STRN: variants seen among roughly 807,000 people sequenced by gnomAD.
STRN encodes the protein protein phosphatase 2 regulatory subunit B'''alpha.
Under a neutral mutation model 96.3 loss-of-function variants are expected in STRN, and 53 were observed. That is an observed-to-expected ratio of 0.55 (90% CI 0.44 to 0.69). The LOEUF (loss-of-function observed/expected upper bound fraction) is 0.69. STRN is among the 30% of genes least tolerant of loss of function. The pLI is 0.00. For missense variants in STRN, 987 were observed against 963.9 expected (o/e 1.02, Z -0.32); for synonymous variants, 428 against 355.9 (o/e 1.20, Z -2.28).
intron 1 of STRN, among the ~76,000 whole-genome samples, chr2:36,956,471 C>T (rs1664890434): frequency 6.6e-6 from 1 of 152,046 alleles, no homozygotes; most frequent in Non-Finnish European, 1.5e-5. Flanking sequence ...GATTGGCCAC[C>T]GAGGCAAGAA....
Position 36,839,203 on chromosome 2 carries a change from C to G in STRN, c.*10253G>C, listed in dbSNP as rs1301283034. Among the ~76,000 whole-genome samples the G allele has an allele frequency of 6.6e-6, 1 of 152,054 alleles. No individual in the cohort carries two copies. Among genetic ancestry groups the G allele is most frequent in the Non-Finnish European group, 1.5e-5 (1 of 68,022 alleles). The stretch of plus-strand genomic sequence containing the variant: ...AATTCATTTCTGTCACTTTCTTAAC[C>G]TGAAAAACATCAAATCATCCCCCTT... On this transcript the variant is annotated 3_prime_UTR_variant, in exon 18 of 18. Coordinates refer to ENST00000263918, the MANE Select transcript of STRN (RefSeq NM_003162.4).
intron 1 of STRN, among the ~76,000 whole-genome samples, chr2:36,956,640 T>C (rs548968565): frequency 3.3e-5 from 5 of 152,348 alleles, no homozygotes; most frequent in South Asian, 2.1e-4. Context: ...ACACCTTTCA[T>C]TGACTGCATA....
At chr2:36,924,015 T>C (rs1670331870) in intron 2 of STRN, among the ~76,000 whole-genome samples, 1 of 152,110 alleles carries the variant, frequency 6.6e-6, no homozygotes, top group Non-Finnish European at 1.5e-5. Context: ...TAAGATAAGC[T>C]TCTGGAGAGA....
chr2:36,883,981 T>A lies in STRN; in HGVS notation c.1137A>T (p.Arg379Ser). 1 of 1,443,054 alleles carries A rather than the reference T, an allele frequency of 6.9e-7. No individual in the cohort carries two copies. The highest frequency in any genetic ancestry group is 9.1e-7 in the Non-Finnish European group (1 of 1,093,592). 89.4% of individuals were successfully genotyped at this position (1,443,054 alleles called of 1,614,324 possible). The change falls in exon 9 of 18, where the codon AGA (arginine) becomes AGT (serine). Residue 379 changes from arginine (R) to serine (S), a missense_variant. Arg to Ser is a moderately radical substitution (Grantham distance 110). Coordinates refer to ENST00000263918, the MANE Select transcript of STRN (RefSeq NM_003162.4). ...GTTCAGGAAGCCTGGAGCTGCTGGG[T>A]CTGGAAGGTGAACCCACAGATGGCT... ...SLQPSVGSPSRPSSSRLPEHE... is the reference protein window; with the variant it reads ...SLQPSVGSPSSPSSSRLPEHE...
intron 12 of STRN, among the ~76,000 whole-genome samples, chr2:36,862,255 T>C (rs1272552059): frequency 6.6e-6 from 1 of 152,242 alleles, no homozygotes; most frequent in Non-Finnish European, 1.5e-5. Context: ...GAATGATTTA[T>C]ATTCCTTTGG....
chr2:36,966,176 G>A, intron 1 of STRN, 54 bp downstream of exon 1: 1 of 1,443,876 alleles, frequency 6.9e-7, no homozygotes. Flanking sequence ...CCGGGGCGGG[G>A]CGGAAGGGAG....
chr2:36,877,908 C>G lies in STRN; in HGVS notation c.1306G>C (p.Asp436His), dbSNP rs1668957865. The G allele has an allele frequency of 6.2e-7, 1 of 1,614,052 alleles. No individual in the cohort carries two copies. Among genetic ancestry groups the G allele is most frequent in the African/African-American group, 1.3e-5 (1 of 74,944 alleles). ...LAGLTVANEA[D>H]SLTYDIANNK... ...CTACTTACATCATAAGTTAGTGAGT[C>G]TGCTTCATTGGCCACCGTAAGGCCT... The change falls in exon 10 of 18, where the codon GAC becomes CAC. Residue 436 changes from aspartate (D) to histidine (H), a missense_variant. By Grantham distance (81) the Asp-to-His change is moderately conservative (BLOSUM62 -1). Coordinates refer to ENST00000263918, the MANE Select transcript of STRN (RefSeq NM_003162.4).
At chr2:36,957,219 T>C (rs552256277) in intron 1 of STRN, among the ~76,000 whole-genome samples, 7 of 152,322 alleles carry the variant, frequency 4.6e-5, no homozygotes, top group East Asian at 3.9e-4. Context: ...CAGAAGTATA[T>C]TGGCCCTCAA....
At chr2:36,948,169 T>TG (rs1664649039) in intron 1 of STRN, among the ~76,000 whole-genome samples, 1 of 139,864 alleles carries the variant, frequency 7.1e-6, no homozygotes. Flanking sequence ...TGATGTGATC[T>TG]GGGCTCACTG....
Position 36,925,114 on chromosome 2 carries a change from T to A in STRN, c.329A>T (p.Lys110Ile). ...CATTTTACTGAATTACCTTTCCTGT[T>A]TAAGAGCATACTCCAACATTTTGAT... ...RRIKMLEYAL[K>I]QERAKYHKLK... Residue 110 changes from lysine (K) to isoleucine (I), a missense_variant, in exon 2 of 18, where the codon AAA becomes ATA. Coordinates refer to ENST00000263918, the MANE Select transcript of STRN (RefSeq NM_003162.4). The A allele has an allele frequency of 6.2e-7, 1 of 1,611,400 alleles. No individual in the cohort carries two copies. The highest frequency in any genetic ancestry group is 8.5e-7 in the Non-Finnish European group (1 of 1,177,758).
chr2:36,876,249 T>C (rs944159409), intron 10 of STRN, among the ~76,000 whole-genome samples: 3 of 149,076 alleles, frequency 2.0e-5, no homozygotes, highest in Admixed American at 1.4e-4. Context: ...CCAGCCTGGG[T>C]GACCGAGTGA....
At chr2:36,960,926 T>G (rs1332457225) in intron 1 of STRN, among the ~76,000 whole-genome samples, 1 of 152,010 alleles carries the variant, frequency 6.6e-6, no homozygotes, top group Non-Finnish European at 1.5e-5. Flanking sequence ...AGACAGGGCC[T>G]CACTCTGGCA....
intron 10 of STRN, among the ~76,000 whole-genome samples, chr2:36,876,983 C>T (rs778429698): frequency 1.3e-5 from 2 of 152,094 alleles, no homozygotes; most frequent in Admixed American, 6.5e-5. Context: ...CTCCTGACCT[C>T]GTGATCCACC....
At chr2:36,885,599 A>G (rs996727714) in intron 8 of STRN, among the ~76,000 whole-genome samples, 3 of 152,144 alleles carry the variant, frequency 2.0e-5, no homozygotes, top group African/African-American at 7.2e-5. Context: ...TTTAACATCA[A>G]TAACAGACAC....
Position 36,855,094 on chromosome 2 carries a change from AAAGTT to A in STRN, c.1978+113_1978+117del, listed in dbSNP as rs1368270550. 7.3e-6 allele frequency: 8 copies of A among 1,091,942 alleles called. No homozygotes were observed. The African/African-American group carries it at 8.0e-5, about 11-fold the overall frequency. 67.6% of individuals were successfully genotyped at this position (1,091,942 alleles called of 1,614,324 possible). On this transcript the variant is annotated intron_variant, in intron 15 of 17. Transcript: ENST00000263918. ...CAACCTTCTAAGTAACTGTGTTCTG[AAAGTT>A]AAGAGACAGAAAGCTTTATAATGAC...
intron 1 of STRN, among the ~76,000 whole-genome samples, chr2:36,949,225 G>A (rs912567662): frequency 2.0e-5 from 3 of 152,152 alleles, no homozygotes; most frequent in Admixed American, 1.3e-4. Context: ...GTATGTAGCA[G>A]GCTATACCAT....
At chr2:36,873,575 A>G (rs900897829) in intron 10 of STRN, among the ~76,000 whole-genome samples, 1 of 152,080 alleles carries the variant, frequency 6.6e-6, no homozygotes, top group African/African-American at 2.4e-5. Context: ...AATTAATAAT[A>G]ATAATAATGT....
chr2:36,903,873 T>C (rs1669751606), intron 4 of STRN, among the ~76,000 whole-genome samples: 1 of 152,216 alleles, frequency 6.6e-6, no homozygotes, highest in South Asian at 2.1e-4. Flanking sequence ...AGATGTTATA[T>C]TTTTCCATTT....
rs746569861 is a variant in STRN at position 36,851,106 on chromosome 2, T to A, written c.1980A>T (p.Thr660=). The part of the protein sequence containing the change: ...ILTLESNVDT[T]ANSSCQINRV... ...TATTTATTTGGCAGGAAGAGTTGGC[T>A]GCTAAAAAGAAAAAATTAAAAAGCA... is the stretch of plus-strand genomic sequence containing the variant. The change falls in exon 16 of 18, where the codon ACA becomes ACT. Residue 660 remains threonine, a splice_region_variant and synonymous_variant. Coordinates refer to ENST00000263918, the MANE Select transcript of STRN (RefSeq NM_003162.4). 1.3e-5 allele frequency: 21 copies of A among 1,610,040 alleles called. 1 individual carries two copies. The South Asian group carries it at 2.3e-4, about 18-fold the overall frequency.
Sources: gnomAD v4.1 joint callset for allele counts (sites outside exome capture counted in the v4.1 genomes callset) on GRCh38, gnomAD v4.1.1 for gene constraint, MANE v1.5 for transcripts, NCBI Gene and HGNC (gene_info 2026-07-23, HGNC 2026-07-21) for gene names.